CDH7: variants seen among roughly 807,000 people sequenced by gnomAD.
The protein encoded by CDH7 is cadherin-7.
CDH7 carries 25 observed loss-of-function variants against 71.8 expected under a neutral mutation model. The ratio of observed to expected loss-of-function variants is 0.35; its 90% CI spans 0.25 to 0.49. The LOEUF (loss-of-function observed/expected upper bound fraction) is 0.49, where lower values mean the gene tolerates loss of function less well. Among genes scored for constraint, CDH7 ranks in the 20% least tolerant of loss-of-function variants. CDH7 has a pLI of 0.99. For missense variants in CDH7, 862 were observed against 974.6 expected (o/e 0.88, Z 1.54); for synonymous variants, 381 against 363.8 (o/e 1.05, Z -0.54).
At chr18:65,788,973 G>C (rs1910610941) in intron 2 of CDH7, among the ~76,000 whole-genome samples, 1 of 152,092 alleles carries the variant, frequency 6.6e-6, no homozygotes, top group South Asian at 2.1e-4. Context: ...ATATTATCAT[G>C]AATATTTTTA....
chr18:65,763,094 C>T, intron 2 of CDH7, 42 bp downstream of exon 2: 2 of 1,409,192 alleles, frequency 1.4e-6, no homozygotes, highest in South Asian at 2.7e-5. Flanking sequence ...TGATTATTGT[C>T]CATGTCTATG....
intron 2 of CDH7, among the ~76,000 whole-genome samples, chr18:65,775,812 T>A (rs186471893): frequency 3.9e-5 from 6 of 152,188 alleles, no homozygotes; most frequent in African/African-American, 1.4e-4. Flanking sequence ...GCAAGAGTTA[T>A]CACATTGGCC....
chr18:65,754,621 G>A (rs1219139377), intron 1 of CDH7, among the ~76,000 whole-genome samples: 2 of 152,152 alleles, frequency 1.3e-5, no homozygotes, highest in Non-Finnish European at 2.9e-5. Context: ...GCAACATTAA[G>A]TTTAGGATGA....
chr18:65,770,860 A>C (rs781162353), intron 2 of CDH7, among the ~76,000 whole-genome samples: 2 of 152,198 alleles, frequency 1.3e-5, no homozygotes, highest in African/African-American at 2.4e-5. Flanking sequence ...GAAGATAGAT[A>C]TAATTTCAGT....
intron 2 of CDH7, among the ~76,000 whole-genome samples, chr18:65,772,135 CACAT>C (rs1916562398): frequency 6.6e-6 from 1 of 152,112 alleles, no homozygotes; most frequent in Admixed American, 6.6e-5. Context: ...ATTTGGACAA[CACAT>C]ACATAATGTT....
At chr18:65,772,981 A>T (rs927975006) in intron 2 of CDH7, among the ~76,000 whole-genome samples, 4 of 152,154 alleles carry the variant, frequency 2.6e-5, no homozygotes, top group African/African-American at 9.7e-5. Context: ...CTCTCTTCAC[A>T]CTGTCTATGG....
Position 65,837,635 on chromosome 18 carries a change from A to G in CDH7, c.982-6177A>G, listed in dbSNP as rs187241096. Among the ~76,000 whole-genome samples, 380 of 152,294 alleles carry G rather than the reference A, an allele frequency of 2.5e-3. 3 individuals are homozygous for G. The highest frequency in any genetic ancestry group is 8.6e-3 in the African/African-American group (358 of 41,562). ...AAGGGCAGAAAAAAGATTTACAATG[A>G]CGAATTTTCTAAAGAGAGGTCAGGG... On this transcript the variant is annotated intron_variant, in intron 6 of 11. Coordinates refer to ENST00000397968, the MANE Select transcript of CDH7 (RefSeq NM_004361.5).
intron 2 of CDH7, among the ~76,000 whole-genome samples, chr18:65,773,764 G>T (rs140371132): frequency 6.6e-6 from 1 of 152,048 alleles, no homozygotes. Context: ...CAATCCAAGC[G>T]TAATATCTGT....
At position 65,865,664 on chromosome 18, in the gene CDH7, GT is replaced by G. The variant is rs530734842; in HGVS notation, c.1864+2752del. The stretch of plus-strand genomic sequence containing the variant: ...GGTCTCTTTGTGTCTTATTTCCCAA[GT>G]TTTTAAAAGCAGATAATCAGGAATT... On this transcript the variant is annotated intron_variant, in intron 11 of 11. Transcript: ENST00000397968. 6.1e-4 allele frequency: 93 copies of G among 152,148 alleles called. 1 individual carries two copies. The highest frequency in any genetic ancestry group is 1.8e-3 in the African/African-American group (74 of 41,524). The allele number at this position is 152,148 out of a possible 1,614,324, so 9.4% of individuals were successfully genotyped here.
At chr18:65,867,248 G>T (rs1375185406) in intron 11 of CDH7, among the ~76,000 whole-genome samples, 1 of 152,018 alleles carries the variant, frequency 6.6e-6, no homozygotes, top group Non-Finnish European at 1.5e-5. Context: ...TGTTAGCCAG[G>T]ATGGTCTCGA....
At chr18:65,874,758 TG>T (rs1336276835) in intron 11 of CDH7, among the ~76,000 whole-genome samples, 1 of 151,760 alleles carries the variant, frequency 6.6e-6, no homozygotes, top group African/African-American at 2.4e-5. Context: ...ATTTCATACA[TG>T]TATATATAGA....
At chr18:65,866,402 A>G (rs1278769744) in intron 11 of CDH7, 5 of 149,304 alleles carry the variant, frequency 3.3e-5, no homozygotes, top group African/African-American at 7.4e-5. Flanking sequence ...AAAAAAAGGT[A>G]CTTGACTACA....
At position 65,881,481 on chromosome 18, in the gene CDH7, A is replaced by G. The variant is rs1358601789; in HGVS notation, c.*587A>G. ...TTCCTTCCTAACTGAAAACCCTACC[A>G]CAAAAGCCAGTAAAATTTAGTTTAA... is the stretch of plus-strand genomic sequence containing the variant. On this transcript the variant is annotated 3_prime_UTR_variant, in exon 12 of 12. Coordinates refer to ENST00000397968, the MANE Select transcript of CDH7 (RefSeq NM_004361.5). 6.6e-6 allele frequency: 1 copy of G among 152,122 alleles called. No homozygotes were observed. The highest frequency in any genetic ancestry group is 1.5e-5 in the Non-Finnish European group (1 of 68,016). 9.4% of individuals were successfully genotyped at this position (152,122 alleles called of 1,614,324 possible).
At chr18:65,791,206 G>A (rs1419855450) in intron 2 of CDH7, among the ~76,000 whole-genome samples, 1 of 152,130 alleles carries the variant, frequency 6.6e-6, no homozygotes, top group Non-Finnish European at 1.5e-5. Context: ...ACATCAGAGA[G>A]TACATGTATG....
chr18:65,879,465 C>A (rs560259917), intron 11 of CDH7, among the ~76,000 whole-genome samples: 1 of 152,178 alleles, frequency 6.6e-6, no homozygotes, highest in East Asian at 1.9e-4. Flanking sequence ...TTCCAAAATT[C>A]AACAATACTC....
intron 11 of CDH7, among the ~76,000 whole-genome samples, chr18:65,877,677 C>T (rs1914111546): frequency 6.6e-6 from 1 of 152,202 alleles, no homozygotes; most frequent in East Asian, 1.9e-4. Context: ...TCACTATTTT[C>T]TCTCAACGTC....
intron 6 of CDH7, among the ~76,000 whole-genome samples, chr18:65,828,399 T>C (rs750970542): frequency 1.3e-5 from 2 of 152,150 alleles, no homozygotes; most frequent in Non-Finnish European, 2.9e-5. Flanking sequence ...TCCACTTATA[T>C]ATGGATTTTT....
intron 2 of CDH7, among the ~76,000 whole-genome samples, chr18:65,806,124 A>G (rs1911310047): frequency 1.3e-5 from 2 of 152,168 alleles, no homozygotes; most frequent in African/African-American, 4.8e-5. Flanking sequence ...TTCATGGTCT[A>G]TGTAGTTTAT....
At chr18:65,806,404 T>C (rs1477767187) in intron 2 of CDH7, among the ~76,000 whole-genome samples, 1 of 152,158 alleles carries the variant, frequency 6.6e-6, no homozygotes, top group Admixed American at 6.5e-5. Context: ...AGAGATTTTT[T>C]TTTTGTTATT....
Sources: allele counts gnomAD v4.1 joint callset (sites outside exome capture counted in the v4.1 genomes callset), GRCh38; gene constraint gnomAD v4.1.1; transcripts MANE v1.5; gene names NCBI Gene and HGNC (gene_info 2026-07-23, HGNC 2026-07-21).